Variants in AP2B1 observed in about 807,000 individuals in gnomAD.
AP2B1 encodes the protein AP-2 complex subunit beta.
A neutral mutation model predicts 102.0 loss-of-function variants in AP2B1; 23 were observed. The observed-to-expected ratio is 0.23, with a 90% CI of 0.16 to 0.32. AP2B1 has a LOEUF of 0.32. Among genes scored for constraint, AP2B1 ranks in the 10% least tolerant of loss-of-function variants. AP2B1 has a pLI of 1.00. For synonymous variants in AP2B1, 381 were observed against 421.2 expected, an observed-to-expected ratio of 0.90 and a Z score of 1.17; for missense variants, 541 against 1,157.4, an observed-to-expected ratio of 0.47 and a Z score of 7.73.
chr17:35,666,917 C>G (rs2075479920), intron 14 of AP2B1, among the ~76,000 whole-genome samples: 1 of 152,168 alleles, frequency 6.6e-6, no homozygotes, highest in African/African-American at 2.4e-5. Context: ...GGGAGAATCG[C>G]TTGAGCCCAG....
intron 18 of AP2B1, among the ~76,000 whole-genome samples, chr17:35,686,263 A>G (rs981417986): frequency 6.6e-6 from 1 of 152,224 alleles, no homozygotes; most frequent in Non-Finnish European, 1.5e-5. Flanking sequence ...TATATCACGT[A>G]ATTATATTCC....
At chr17:35,596,977 C>A in intron 2 of AP2B1, 1 of 668,658 alleles carries the variant, frequency 1.5e-6, no homozygotes, top group Non-Finnish European at 2.8e-6. Context: ...TCTCGTGCGC[C>A]TTTCGGAGAG....
At chr17:35,602,355 A>G (rs569819482) in intron 3 of AP2B1, among the ~76,000 whole-genome samples, 14 of 152,342 alleles carry the variant, frequency 9.2e-5, no homozygotes, top group African/African-American at 2.9e-4. Flanking sequence ...CTTCTTGGAG[A>G]TGAAATATGA....
chr17:35,688,354 G>C (rs776351653), intron 18 of AP2B1, among the ~76,000 whole-genome samples: 16 of 152,118 alleles, frequency 1.1e-4, no homozygotes, highest in Non-Finnish European at 2.4e-4. Context: ...TCTGATTCTT[G>C]ATACTTGCTT....
chr17:35,653,444 G>T (rs1474381033), intron 13 of AP2B1, among the ~76,000 whole-genome samples: 1 of 152,034 alleles, frequency 6.6e-6, no homozygotes, highest in African/African-American at 2.4e-5. Context: ...CCAGTCCCTT[G>T]GTTTTGTTTT....
chr17:35,687,436 G>A (rs1305097281), intron 18 of AP2B1, among the ~76,000 whole-genome samples: 1 of 151,922 alleles, frequency 6.6e-6, no homozygotes. Context: ...TTCTGTTTTA[G>A]ATATTCCTGT....
chr17:35,638,817 C>CT (rs1171211679), intron 10 of AP2B1, among the ~76,000 whole-genome samples: 1 of 149,108 alleles, frequency 6.7e-6, no homozygotes, highest in Non-Finnish European at 1.5e-5. Context: ...AGAAAGCTCT[C>CT]TTTTATAAAA....
Position 35,636,344 on chromosome 17 carries a change from T to G in AP2B1, c.1159T>G (p.Ser387Ala). 1 of 1,611,306 alleles carries G rather than the reference T, an allele frequency of 6.2e-7. No homozygotes were observed. ...TTTTTTGTATTTTTCTTCCCAGCAA[T>G]CTGCAGAGCGCTGTGTAAGCACATT... ...IGRCAIKVEQ[S>A]AERCVSTLLD... Residue 387 changes from serine (S) to alanine (A), a missense_variant, in exon 10 of 22, where the codon TCT becomes GCT. Transcript: ENST00000610402.
At position 35,716,390 on chromosome 17, in the gene AP2B1, G is replaced by T. The variant is rs1031503385; in HGVS notation, c.2627-805G>T. Among the ~76,000 whole-genome samples the T allele has an allele frequency of 3.9e-5, 6 of 152,262 alleles. No homozygotes were observed. The South Asian group carries it at 1.2e-3, about 32-fold the overall frequency. On this transcript the variant is annotated intron_variant, in intron 20 of 21. Coordinates refer to ENST00000610402, the MANE Select transcript of AP2B1 (RefSeq NM_001030006.2). ...ATGTCCTTTTTGAAACTGTAGTCAT[G>T]AGGAAGAGCCAAAACACCAACCCAT...
At chr17:35,633,999 T>G (rs1207450050) in intron 9 of AP2B1, among the ~76,000 whole-genome samples, 1 of 152,042 alleles carries the variant, frequency 6.6e-6, no homozygotes, top group Admixed American at 6.5e-5. Flanking sequence ...ATAAAAAAAT[T>G]AGCCGGGCAT....
At chr17:35,670,961 G>A in intron 15 of AP2B1, 63 bp downstream of exon 15, 4 of 1,547,300 alleles carry the variant, frequency 2.6e-6, no homozygotes, top group Non-Finnish European at 3.6e-6. Context: ...CCTTTCCTAT[G>A]TACACATTAT....
At chr17:35,613,947 G>T (rs11650225) in intron 5 of AP2B1, among the ~76,000 whole-genome samples, 1 of 152,034 alleles carries the variant, frequency 6.6e-6, no homozygotes, top group Non-Finnish European at 1.5e-5. Flanking sequence ...TTTTACAAAT[G>T]TCACAAGTAT....
chr17:35,702,253 G>T (rs1049164068), intron 18 of AP2B1, among the ~76,000 whole-genome samples: 1 of 152,158 alleles, frequency 6.6e-6, no homozygotes, highest in South Asian at 2.1e-4. Context: ...AGGTTGGGTG[G>T]TACAGTTTTA....
At chr17:35,715,517 G>A (rs2076534948) in intron 20 of AP2B1, among the ~76,000 whole-genome samples, 1 of 152,170 alleles carries the variant, frequency 6.6e-6, no homozygotes, top group Non-Finnish European at 1.5e-5. Context: ...GGCCTAGAAA[G>A]TTAGGAATGA....
intron 10 of AP2B1, 44 bp from the exon 11 acceptor site, chr17:35,639,551 C>A: frequency 6.4e-7 from 1 of 1,552,918 alleles, no homozygotes; most frequent in East Asian, 2.3e-5. Flanking sequence ...TAAATTAGTT[C>A]TTAGTTTTGC....
chr17:35,714,414 C>T (rs2076511054), intron 20 of AP2B1, among the ~76,000 whole-genome samples: 1 of 152,170 alleles, frequency 6.6e-6, no homozygotes, highest in Non-Finnish European at 1.5e-5. Context: ...CCTGCTTCAC[C>T]CTTGTTGCTG....
At chr17:35,591,263 A>T (rs2073090307) in intron 1 of AP2B1, among the ~76,000 whole-genome samples, 1 of 150,642 alleles carries the variant, frequency 6.6e-6, no homozygotes, top group African/African-American at 2.4e-5. Flanking sequence ...AGGCAGGAGG[A>T]TTGCTTGAGC....
chr17:35,683,753 G>A (rs2075873696), intron 18 of AP2B1, among the ~76,000 whole-genome samples: 1 of 152,190 alleles, frequency 6.6e-6, no homozygotes, highest in African/African-American at 2.4e-5. Context: ...AGCGGTTATG[G>A]TTTTAATGTT....
intron 17 of AP2B1, among the ~76,000 whole-genome samples, chr17:35,677,717 T>C (rs1217722787): frequency 6.6e-6 from 1 of 152,174 alleles, no homozygotes; most frequent in African/African-American, 2.4e-5. Flanking sequence ...CTAAACAATA[T>C]TGAGTCTTCT....
Sources: gnomAD v4.1 joint callset for allele counts (sites outside exome capture counted in the v4.1 genomes callset) on GRCh38, gnomAD v4.1.1 for gene constraint, MANE v1.5 for transcripts, NCBI Gene and HGNC (gene_info 2026-07-23, HGNC 2026-07-21) for gene names.